The following CENPK variants were observed in gnomAD, a reference collection of about 807,000 sequenced individuals.
CENPK encodes centromere protein K.
Under a neutral mutation model 40.9 loss-of-function variants are expected in CENPK, and 46 were observed. The ratio of observed to expected loss-of-function variants is 1.13; its 90% CI spans 0.89 to 1.44. CENPK has a LOEUF of 1.44. Ranked by LOEUF, CENPK falls within the 40% of genes most tolerant of loss-of-function variation. CENPK has a pLI of 0.00. For missense variants in CENPK, 288 were observed against 303.5 expected (o/e 0.95, Z 0.38); for synonymous variants, 107 against 104.4 (o/e 1.02, Z -0.15).
chr5:65,534,162 G>T (rs755544821), intron 6 of CENPK, among the ~76,000 whole-genome samples: 41 of 150,858 alleles, frequency 2.7e-4, no homozygotes, highest in Non-Finnish European at 5.5e-4. Flanking sequence ...AGATGTGCAA[G>T]ACCTGTATGC....
intron 6 of CENPK, 161 bp from the exon 7 acceptor site, chr5:65,529,360 C>T (rs969843700): frequency 3.8e-6 from 2 of 522,898 alleles, no homozygotes; most frequent in African/African-American, 3.9e-5. Flanking sequence ...ACAGTAGGCG[C>T]TAAATTTGTG....
chr5:65,501,584 A>G, the CENPK span, among the ~76,000 whole-genome samples: 6 of 124,604 alleles, frequency 4.8e-5, no homozygotes, highest in Admixed American at 3.7e-4. Flanking sequence ...GGTTATTATA[A>G]CACTCTAGAT....
chr5:65,521,853 C>T (rs532002981), intron 9 of CENPK, among the ~76,000 whole-genome samples: 18 of 152,158 alleles, frequency 1.2e-4, no homozygotes, highest in Admixed American at 3.3e-4. Context: ...CTGCCCACAT[C>T]GGCCTCCCAA....
At chr5:65,501,710 T>C in the CENPK span, among the ~76,000 whole-genome samples, 1 of 152,164 alleles carries the variant, frequency 6.6e-6, no homozygotes, top group Non-Finnish European at 1.5e-5. Flanking sequence ...CTGCTCAGGC[T>C]TTTTGACACC....
chr5:65,503,107 A>AAT, the CENPK span, among the ~76,000 whole-genome samples: 4 of 120,888 alleles, frequency 3.3e-5, no homozygotes, highest in South Asian at 3.2e-4. Context: ...CCACCAATGT[A>AAT]ATATTTTTTT....
chr5:65,554,110 C>CTAAT (rs1215992821), intron 3 of CENPK, among the ~76,000 whole-genome samples: 1 of 151,966 alleles, frequency 6.6e-6, no homozygotes, highest in Non-Finnish European at 1.5e-5. Context: ...AGGCTAACTC[C>CTAAT]TAATTATCCT....
At chr5:65,509,285 C>T in the CENPK span, among the ~76,000 whole-genome samples, 1 of 152,202 alleles carries the variant, frequency 6.6e-6, no homozygotes, top group Admixed American at 6.5e-5. Context: ...CTATGCATTG[C>T]TTCCATCCAC....
At chr5:65,514,156 C>T (rs574017808), downstream of CENPK, among the ~76,000 whole-genome samples, 2 of 144,000 alleles carry the variant, frequency 1.4e-5, no homozygotes, top group African/African-American at 5.2e-5. Flanking sequence ...ATGAGAGATA[C>T]TAGTCTGTAG....
rs1270744844 is a variant in CENPK, at chr5:65,521,522, T to C, written c.604A>G (p.Ile202Val). Residue 202 changes from isoleucine to valine, a missense_variant, in exon 10 of 11, where the codon ATT (isoleucine) becomes GTT (valine). Transcript: ENST00000396679. ...ATCAGGTTTACAGATGATTCTTGAA[T>C]GTTTTTCTTCAAGAGAAATGTGAAT... The part of the protein sequence containing the change: ...DRSVKKKKKN[I>V]QESSVNLITL... 3 of 1,601,196 alleles carry C rather than the reference T, an allele frequency of 1.9e-6. No homozygotes were observed. The highest frequency in any genetic ancestry group is 2.6e-6 in the Non-Finnish European group (3 of 1,169,724).
Position 65,528,467 on chromosome 5 carries a change from A to C in CENPK, c.582T>G (p.Ser194Arg), listed in dbSNP as rs759021447. ...TAAAACTTACCTTTTTCTTTTTAAC[A>C]CTTCTATCAGGCAGAGGAAAATGGT... Reference protein sequence around the residue: ...LEDHFPLPDRSVKKKKKNIQE... With the variant: ...LEDHFPLPDRRVKKKKKNIQE... The change falls in exon 9 of 11, where the codon AGT becomes AGG. Residue 194 changes from serine to arginine, a missense_variant. Ser to Arg is a moderately radical substitution (Grantham distance 110). Transcript: ENST00000396679. The C allele has an allele frequency of 6.3e-7, 1 of 1,591,216 alleles. No homozygotes were observed. Among genetic ancestry groups the C allele is most frequent in the Non-Finnish European group, 8.5e-7 (1 of 1,174,130 alleles).
chr5:65,559,909 T>C (rs950079736), intron 2 of CENPK, among the ~76,000 whole-genome samples: 57 of 152,112 alleles, frequency 3.7e-4, no homozygotes, highest in South Asian at 1.0e-3. Context: ...TAATACTGTT[T>C]TTTAAATGTA....
intron 5 of CENPK, among the ~76,000 whole-genome samples, chr5:65,545,322 GCGCACACACACA>G (rs1487367643): frequency 0.049 from 6,502 of 133,110 alleles, 453 homozygotes; most frequent in African/African-American, 0.093. Flanking sequence ...TCCTCAAAGC[GCGCACACACACA>G]CACACACACA....
At chr5:65,510,569 G>A in the CENPK span, among the ~76,000 whole-genome samples, 2 of 152,130 alleles carry the variant, frequency 1.3e-5, no homozygotes, top group Non-Finnish European at 2.9e-5. Context: ...GAGGTCAGGA[G>A]TTCAAGACCA....
intron 6 of CENPK, among the ~76,000 whole-genome samples, chr5:65,533,089 G>A (rs952002030): frequency 1.3e-5 from 2 of 151,984 alleles, no homozygotes; most frequent in African/African-American, 4.8e-5. Context: ...GCCAGGGGCG[G>A]TGGCTCATGC....
chr5:65,548,139 T>G (rs2150491771), intron 5 of CENPK, among the ~76,000 whole-genome samples: 1 of 152,330 alleles, frequency 6.6e-6, no homozygotes, highest in Non-Finnish European at 1.5e-5. Flanking sequence ...GCAGGGATAC[T>G]TTGGAGATAG....
At chr5:65,513,851 G>A (rs1452270268), downstream of CENPK, among the ~76,000 whole-genome samples, 1 of 152,170 alleles carries the variant, frequency 6.6e-6, no homozygotes, top group Non-Finnish European at 1.5e-5. Flanking sequence ...TAGGTTTTTT[G>A]TAGATATTCT....
At chr5:65,515,204 A>ATTTTTTT (rs1554102335), downstream of CENPK, among the ~76,000 whole-genome samples, 3 of 124,056 alleles carry the variant, frequency 2.4e-5, no homozygotes, top group African/African-American at 9.3e-5. Context: ...TCTCAAAAAA[A>ATTTTTTT]TTTTTTTTTT....
chr5:65,522,145 A>G (rs1440331237), intron 9 of CENPK, among the ~76,000 whole-genome samples: 1 of 152,170 alleles, frequency 6.6e-6, no homozygotes, highest in Non-Finnish European at 1.5e-5. Flanking sequence ...AAAAATTAGT[A>G]TTTAAATCCC....
At chr5:65,524,065 G>A (rs1176253171) in intron 9 of CENPK, among the ~76,000 whole-genome samples, 2 of 152,060 alleles carry the variant, frequency 1.3e-5, no homozygotes, top group Non-Finnish European at 2.9e-5. Context: ...CCAAGCGAAG[G>A]ATTAAACTTA....
Sources: allele counts gnomAD v4.1 joint callset (sites outside exome capture counted in the v4.1 genomes callset), GRCh38; gene constraint gnomAD v4.1.1; transcripts MANE v1.5; gene names NCBI Gene and HGNC (gene_info 2026-07-23, HGNC 2026-07-21).